Variants in PDE10A observed in about 807,000 individuals in gnomAD.
The protein encoded by PDE10A is phosphodiesterase 10A.
In PDE10A, 39 loss-of-function variants were observed where a neutral mutation model predicts 97.7. The ratio of observed to expected loss-of-function variants is 0.40; its 90% CI spans 0.31 to 0.52. The LOEUF (loss-of-function observed/expected upper bound fraction) is 0.52. Among genes scored for constraint, PDE10A ranks in the 20% least tolerant of loss-of-function variants. The pLI is 0.56. For synonymous variants in PDE10A, 371 were observed against 376.8 expected, an observed-to-expected ratio of 0.98 and a Z score of 0.18; for missense variants, 731 against 1,047.8, an observed-to-expected ratio of 0.70 and a Z score of 4.17.
At chr6:165,347,517 A>C (rs1230067627) in intron 18 of PDE10A, among the ~76,000 whole-genome samples, 1 of 152,204 alleles carries the variant, frequency 6.6e-6, no homozygotes, top group African/African-American at 2.4e-5. Context: ...AGAGAGAAAA[A>C]TAAATTATAA....
chr6:165,811,669 G>A (rs974403840), intron 1 of PDE10A, among the ~76,000 whole-genome samples: 8 of 152,144 alleles, frequency 5.3e-5, no homozygotes, highest in African/African-American at 1.9e-4. Context: ...CTCACCAACC[G>A]GCTCTGCTTA....
chr6:165,486,762 G>T (rs1464968667), intron 2 of PDE10A, among the ~76,000 whole-genome samples: 3 of 152,154 alleles, frequency 2.0e-5, no homozygotes, highest in African/African-American at 7.2e-5. Context: ...CATAGAATGG[G>T]CTGCAAAACT....
At chr6:165,789,052 A>G (rs1169817073) in intron 1 of PDE10A, among the ~76,000 whole-genome samples, 3 of 152,160 alleles carry the variant, frequency 2.0e-5, no homozygotes, top group Admixed American at 6.5e-5. Flanking sequence ...GGAGGGGCAG[A>G]GCATCCTCTG....
chr6:165,929,173 A>T (rs530420814), intron 1 of PDE10A, among the ~76,000 whole-genome samples: 1 of 152,340 alleles, frequency 6.6e-6, no homozygotes, highest in African/African-American at 2.4e-5. Flanking sequence ...TGTGGCGGGC[A>T]TTCGGTAAAC....
At chr6:165,409,952 T>C (rs1787610694) in intron 13 of PDE10A, among the ~76,000 whole-genome samples, 1 of 149,792 alleles carries the variant, frequency 6.7e-6, no homozygotes. Context: ...ATACCACAAT[T>C]AGTGACTTAG....
At chr6:165,492,456 C>T (rs1341366331) in intron 2 of PDE10A, among the ~76,000 whole-genome samples, 2 of 151,736 alleles carry the variant, frequency 1.3e-5, no homozygotes, top group East Asian at 3.9e-4. Context: ...ATGCAAAAGT[C>T]CTAGCTAACC....
chr6:165,880,002 C>T (rs902942916), intron 1 of PDE10A, among the ~76,000 whole-genome samples: 2 of 151,716 alleles, frequency 1.3e-5, no homozygotes, highest in African/African-American at 4.8e-5. Context: ...CCATGAAGCC[C>T]ATAAAAACCA....
At position 165,863,313 on chromosome 6, in the gene PDE10A, G is replaced by A. The variant is rs1226119049; in HGVS notation, c.-615+124216C>T. Among the ~76,000 whole-genome samples the A allele has an allele frequency of 5.3e-5, 8 of 152,248 alleles. No homozygotes were observed. The East Asian group carries it at 1.5e-3, about 29-fold the overall frequency. ...ACTGAGTTTACTGGGGCAAAGTAGA[G>A]GACACTCCTCATTTATTATTCTGTG... On this transcript the variant is annotated intron_variant, in intron 1 of 19. Coordinates refer to the PDE10A transcript ENST00000366882.
At chr6:165,400,991 T>C (rs1159945622) in intron 13 of PDE10A, among the ~76,000 whole-genome samples, 2 of 152,090 alleles carry the variant, frequency 1.3e-5, no homozygotes, top group Non-Finnish European at 2.9e-5. Flanking sequence ...CAAAAGAATT[T>C]TAGAAACTGC....
intron 1 of PDE10A, among the ~76,000 whole-genome samples, chr6:165,914,864 T>G (rs1782562295): frequency 6.6e-6 from 1 of 152,178 alleles, no homozygotes; most frequent in African/African-American, 2.4e-5. Flanking sequence ...GAAAGGGGAT[T>G]CCAGTCCCAT....
Position 165,794,199 on chromosome 6 carries a change from C to T in PDE10A, c.-615+193330G>A, listed in dbSNP as rs573565259. On this transcript the variant is annotated intron_variant, in intron 1 of 19. Transcript: ENST00000366882. ...TCCCTCCCACACTCACGCACTCACG[C>T]TCACACACACTCATCACACAATCAT... is the stretch of plus-strand genomic sequence containing the variant. 8.6e-5 allele frequency among the ~76,000 whole-genome samples: 13 copies of T among 151,478 alleles called. No homozygotes were observed. The South Asian group carries it at 2.7e-3, about 32-fold the overall frequency.
At chr6:165,942,921 A>G (rs1204319752) in intron 1 of PDE10A, among the ~76,000 whole-genome samples, 1 of 151,898 alleles carries the variant, frequency 6.6e-6, no homozygotes, top group Non-Finnish European at 1.5e-5. Context: ...TGTCATGTCA[A>G]TGTCGGTTTG....
intron 1 of PDE10A, among the ~76,000 whole-genome samples, chr6:165,827,974 C>T (rs559336735): frequency 1.3e-5 from 2 of 152,240 alleles, no homozygotes; most frequent in East Asian, 1.9e-4. Context: ...GAAGAAAAAC[C>T]GACTCTTCAT....
At chr6:165,943,394 G>C (rs535411340) in intron 1 of PDE10A, among the ~76,000 whole-genome samples, 2 of 138,980 alleles carry the variant, frequency 1.4e-5, no homozygotes, top group African/African-American at 5.4e-5. Flanking sequence ...TGAGTATACA[G>C]ATCTATTGAG....
chr6:165,900,179 A>G (rs57642751), intron 1 of PDE10A, among the ~76,000 whole-genome samples: 6,440 of 152,288 alleles, frequency 0.042, 467 homozygotes, highest in African/African-American at 0.15. Context: ...ATTCAAAAAT[A>G]AAGACATCTG....
At chr6:165,737,916 C>T (rs1792619307) in intron 1 of PDE10A, among the ~76,000 whole-genome samples, 1 of 152,142 alleles carries the variant, frequency 6.6e-6, no homozygotes. Flanking sequence ...AAAGACTATA[C>T]AAATAAGACA....
intron 1 of PDE10A, among the ~76,000 whole-genome samples, chr6:165,745,836 T>C (rs1382455506): frequency 2.0e-5 from 3 of 152,226 alleles, no homozygotes; most frequent in Non-Finnish European, 4.4e-5. Flanking sequence ...AAGAGAATGA[T>C]AAACACCAAA....
At chr6:165,936,306 T>C (rs921687992) in intron 1 of PDE10A, among the ~76,000 whole-genome samples, 16 of 152,070 alleles carry the variant, frequency 1.1e-4, no homozygotes, top group Non-Finnish European at 1.8e-4. Context: ...TGATGAACCA[T>C]GGAGAGAATG....
chr6:165,880,743 C>A (rs1047999257), intron 1 of PDE10A, among the ~76,000 whole-genome samples: 3 of 152,192 alleles, frequency 2.0e-5, no homozygotes, highest in Non-Finnish European at 2.9e-5. Context: ...TAAAATCATA[C>A]CATGTGAAGA....
Sources: gnomAD v4.1 joint callset for allele counts (sites outside exome capture counted in the v4.1 genomes callset) on GRCh38, gnomAD v4.1.1 for gene constraint, MANE v1.5 for transcripts, NCBI Gene and HGNC (gene_info 2026-07-23, HGNC 2026-07-21) for gene names.